MPI: variants seen among roughly 807,000 people sequenced by gnomAD.
The protein encoded by MPI is mannose phosphate isomerase, also known as mannose-6-phosphate isomerase.
MPI carries 33 observed loss-of-function variants against 40.1 expected under a neutral mutation model. The observed-to-expected ratio is 0.82, with a 90% CI of 0.62 to 1.10. MPI has a LOEUF of 1.10. Among genes scored for constraint, MPI ranks in the 50% least tolerant of loss-of-function variants. MPI has a pLI of 0.00. For missense variants in MPI, 514 were observed against 524.1 expected, an observed-to-expected ratio of 0.98 and a Z score of 0.19; for synonymous variants, 187 against 207.4, an observed-to-expected ratio of 0.90 and a Z score of 0.85.
In MPI at chr15:74,896,137, C is replaced by T. The variant is rs755728830; in HGVS notation, c.671-15C>T. 9 of 1,613,654 alleles carry T rather than the reference C, an allele frequency of 5.6e-6. No individual in the cohort carries two copies. The Admixed American group carries it at 6.7e-5, about 12-fold the overall frequency. On this transcript the variant is annotated splice_polypyrimidine_tract_variant and intron_variant, in intron 5 of 7. Coordinates refer to ENST00000352410, the MANE Select transcript of MPI (RefSeq NM_002435.3). ...TATCCCCCTAAGTGACCTTGGGGTG[C>T]TCTGTGACCCTCAGCGGCTGCCGGA...
intron 2 of MPI, chr15:74,891,067 G>A (rs1319261811): frequency 2.4e-5 from 14 of 578,484 alleles, no homozygotes; most frequent in Non-Finnish European, 4.5e-5. Flanking sequence ...TCATTTAAGA[G>A]TCATAGTTTT....
At chr15:74,895,901 C>G in intron 5 of MPI, 1 of 538,210 alleles carries the variant, frequency 1.9e-6, no homozygotes, top group Admixed American at 3.1e-5. Context: ...TACTCTAGCT[C>G]TTTTAGTGGC....
At position 74,892,640 on chromosome 15, in the gene MPI, C is replaced by T. The variant is rs372528972; in HGVS notation, c.346-21C>T. 12 of 1,613,774 alleles carry T rather than the reference C, an allele frequency of 7.4e-6. No homozygotes were observed. The African/African-American group carries it at 1.2e-4, about 16-fold the overall frequency. ...ATGGCTGTACCCTCACCATCCTCCT[C>T]TTCCCCTGGCCACCCCACAGGAGCT... On this transcript the variant is annotated intron_variant, in intron 3 of 7. Transcript: ENST00000352410.
rs750903851 is a variant in MPI, at chr15:74,897,646, C to T, written c.1188C>T (p.Leu396=). 1.2e-6 allele frequency: 2 copies of T among 1,614,218 alleles called. No homozygotes were observed. The highest frequency in any genetic ancestry group is 2.2e-5 in the South Asian group (2 of 91,086). The change falls in exon 8 of 8, where the codon CTC becomes CTT. Residue 396 remains leucine (L), a synonymous_variant. Coordinates refer to ENST00000352410, the MANE Select transcript of MPI (RefSeq NM_002435.3). ...TPIPLQRGGV[L]FIGANESVSL... is the part of the protein sequence containing the mutation. Reference sequence around the variant, plus strand: ...TCCCTCTGCAACGTGGTGGCGTGCTCTTCATTGGGGCCAATGAGAGTGTCT... The same window carrying T: ...TCCCTCTGCAACGTGGTGGCGTGCTTTTCATTGGGGCCAATGAGAGTGTCT...
rs2141206565 is a variant in MPI at position 74,896,174 on chromosome 15, G to A, written c.693G>A (p.Glu231=). ...CAGCGGCTGCCGGAAACAACATGGA[G>A]GACATCTTTGGGGAGCTTTTGCTAC... ...SQQAAAGNNM[E]DIFGELLLQL... The change falls in exon 6 of 8, where the codon GAG becomes GAA. Residue 231 remains glutamate, a synonymous_variant. Transcript: ENST00000352410. The A allele has an allele frequency of 6.2e-7, 1 of 1,614,148 alleles. No homozygotes were observed. The highest frequency in any genetic ancestry group is 8.5e-7 in the Non-Finnish European group (1 of 1,180,026).
rs199972529 is a variant in MPI, at chr15:74,896,159, C to A, written c.678C>A (p.Ala226=). ...LVKRISQQAA[A]GNNMEDIFGE... ...GTGCTCTGTGACCCTCAGCGGCTGC[C>A]GGAAACAACATGGAGGACATCTTTG... Residue 226 remains alanine (A), a synonymous_variant, in exon 6 of 8, where the codon GCC becomes GCA. Coordinates refer to ENST00000352410, the MANE Select transcript of MPI (RefSeq NM_002435.3). The A allele has an allele frequency of 1.5e-4, 239 of 1,614,004 alleles. No individual in the cohort carries two copies. Among genetic ancestry groups the A allele is most frequent in the Middle Eastern group, 5.0e-4 (3 of 6,044 alleles).
chr15:74,890,219 G>C, intron 1 of MPI, 130 bp downstream of exon 1: 1 of 1,355,838 alleles, frequency 7.4e-7, no homozygotes, highest in South Asian at 1.2e-5. Flanking sequence ...CCGGGCAGAG[G>C]TGTGGCCACC....
chr15:74,892,033 C>T (rs1267654665), intron 3 of MPI, among the ~76,000 whole-genome samples: 1 of 151,568 alleles, frequency 6.6e-6, no homozygotes, highest in Non-Finnish European at 1.5e-5. Context: ...CTTGCTCTGT[C>T]GCCCAGGCTG....
Position 74,897,025 on chromosome 15 carries a change from A to G in MPI, c.859A>G (p.Met287Val). 1.9e-6 allele frequency: 3 copies of G among 1,614,178 alleles called. No individual in the cohort carries two copies. Among genetic ancestry groups the G allele is most frequent in the African/African-American group, 1.3e-5 (1 of 75,028 alleles). ...AYLKGDCVEC[M>V]ACSDNTVRAG... ...TGTCTCTCCAGACTGCGTGGAGTGC[A>G]TGGCGTGTTCAGACAACACAGTTCG... is the stretch of plus-strand genomic sequence containing the variant. Residue 287 changes from methionine to valine, a missense_variant, in exon 7 of 8, where the codon ATG (methionine) becomes GTG (valine). By Grantham distance (21) the Met-to-Val change is conservative. Transcript: ENST00000352410.
rs755656144 is a variant in MPI at position 74,890,619 on chromosome 15, C to G, written c.109C>G (p.Leu37Val). ...GCGGCTGTTGGCCAGCAGTGATCCA[C>G]TGGCCCAGATCGCAGAGGACAAGCC... ...VARLLASSDPLAQIAEDKPYA... is the reference protein window; with the variant it reads ...VARLLASSDPVAQIAEDKPYA... The change falls in exon 2 of 8, where the codon CTG becomes GTG. Residue 37 changes from leucine to valine, a missense_variant. Coordinates refer to ENST00000352410, the MANE Select transcript of MPI (RefSeq NM_002435.3). 1.8e-5 allele frequency: 29 copies of G among 1,614,050 alleles called. No individual in the cohort carries two copies. Among genetic ancestry groups the G allele is most frequent in the Non-Finnish European group, 2.3e-5 (27 of 1,180,052 alleles).
chr15:74,891,961 G>A (rs550817569), intron 3 of MPI, among the ~76,000 whole-genome samples: 68 of 152,046 alleles, frequency 4.5e-4, no homozygotes, highest in African/African-American at 1.6e-3. Context: ...TACACAAGCC[G>A]GAGTCCCATC....
intron 1 of MPI, 71 bp downstream of exon 1, chr15:74,890,160 CG>C: frequency 6.3e-7 from 1 of 1,592,940 alleles, no homozygotes; most frequent in Non-Finnish European, 8.5e-7. Context: ...CCGGCATTAT[CG>C]GCCAGGTTGA....
Position 74,900,948 on chromosome 15 carries a change from T to C in MPI, c.*3218T>C, listed in dbSNP as rs995438389. The C allele has an allele frequency of 3.3e-5, 5 of 152,230 alleles. No homozygotes were observed. Among genetic ancestry groups the C allele is most frequent in the African/African-American group, 9.7e-5 (4 of 41,450 alleles). 9.4% of individuals were successfully genotyped at this position (152,230 alleles called of 1,614,324 possible). Reference sequence around the variant, plus strand: ...ACAGGATTACCATCGTAAGGATGGTTGTCAGACAAATAACAAATAAGGCCG... The same window carrying C: ...ACAGGATTACCATCGTAAGGATGGTCGTCAGACAAATAACAAATAAGGCCG... On this transcript the variant is annotated 3_prime_UTR_variant, in exon 8 of 8. Coordinates refer to ENST00000352410, the MANE Select transcript of MPI (RefSeq NM_002435.3).
intron 5 of MPI, among the ~76,000 whole-genome samples, chr15:74,894,607 G>A (rs1019812216): frequency 2.2e-5 from 3 of 138,182 alleles, no homozygotes; most frequent in Non-Finnish European, 3.1e-5. Context: ...CGGGGCAATA[G>A]AGTGAGACTC....
At chr15:74,893,346 G>A in intron 5 of MPI, 26 bp downstream of exon 5, 1 of 1,613,412 alleles carries the variant, frequency 6.2e-7, no homozygotes, top group Non-Finnish European at 8.5e-7. Flanking sequence ...TTCCTGGTTG[G>A]GTGCAATGCT....
Position 74,897,813 on chromosome 15 carries a change from C to G in MPI, c.*83C>G. 1 of 1,337,160 alleles carries G rather than the reference C, an allele frequency of 7.5e-7. No homozygotes were observed. Among genetic ancestry groups the G allele is most frequent in the Non-Finnish European group, 1.1e-6 (1 of 939,978 alleles). The allele number at this position is 1,337,160 out of a possible 1,614,324, so 82.8% of individuals were successfully genotyped here. A position where few individuals can be genotyped will look rare whatever the true frequency, so the allele number is the denominator to read the frequency against. On this transcript the variant is annotated 3_prime_UTR_variant, in exon 8 of 8. Transcript: ENST00000352410. ...CCTCCTCGGGCCCAGCTCAAGCCCC[C>G]TTCCTTGCTCTGGACCCCTTAGGTA... is the stretch of plus-strand genomic sequence containing the variant.
chr15:74,891,627 G>T, intron 3 of MPI, 48 bp downstream of exon 3: 7 of 1,592,256 alleles, frequency 4.4e-6, no homozygotes, highest in Non-Finnish European at 6.0e-6. Context: ...AAGGGCTTAT[G>T]CTAAGGCCCT....
intron 6 of MPI, 42 bp downstream of exon 6, chr15:74,896,367 T>G: frequency 6.2e-7 from 1 of 1,610,402 alleles, no homozygotes; most frequent in South Asian, 1.1e-5. Flanking sequence ...CCATCCCTGC[T>G]GGGCCCTGTT....
chr15:74,901,964 C>G lies in MPI; in HGVS notation c.*4234C>G, dbSNP rs1483103644. The stretch of plus-strand genomic sequence containing the variant: ...ACTAAACTCACCCGGACGGTTGGAC[C>G]AGTTGGGGATGCCCCAGGTCCAGGG... On this transcript the variant is annotated 3_prime_UTR_variant, in exon 8 of 8. Transcript: ENST00000352410. 1.3e-5 allele frequency: 5 copies of G among 396,836 alleles called. No individual in the cohort carries two copies. Among genetic ancestry groups the G allele is most frequent in the African/African-American group, 1.0e-4 (5 of 48,626 alleles). The allele number at this position is 396,836 out of a possible 1,614,324, so 24.6% of individuals were successfully genotyped here. A position where few individuals can be genotyped will look rare whatever the true frequency, so the allele number is the denominator to read the frequency against.
Sources: allele counts gnomAD v4.1 joint callset (sites outside exome capture counted in the v4.1 genomes callset), GRCh38; gene constraint gnomAD v4.1.1; transcripts MANE v1.5; gene names NCBI Gene and HGNC (gene_info 2026-07-23, HGNC 2026-07-21).